CNTN4: variants seen among roughly 807,000 people sequenced by gnomAD.
CNTN4 encodes the protein contactin 4.
In CNTN4, 77 loss-of-function variants were observed where a neutral mutation model predicts 122.5. The ratio of observed to expected loss-of-function variants is 0.63; its 90% confidence interval spans 0.52 to 0.76. The LOEUF (loss-of-function observed/expected upper bound fraction) is 0.76, where lower values mean the gene tolerates loss of function less well. Ranked by LOEUF, CNTN4 falls within the 30% of genes least tolerant of loss-of-function variation. The pLI is 0.00. For synonymous variants in CNTN4, 512 were observed against 447.0 expected, an observed-to-expected ratio of 1.15 and a Z score of -1.83; for missense variants, 1,256 against 1,259.1, an observed-to-expected ratio of 1.00 and a Z score of 0.04.
chr3:2,715,498 G>T (rs1021440600), intron 4 of CNTN4, among the ~76,000 whole-genome samples: 1 of 152,062 alleles, frequency 6.6e-6, no homozygotes, highest in Admixed American at 6.5e-5. Flanking sequence ...AATATCAGGG[G>T]GATTTATCTT....
intron 15 of CNTN4, among the ~76,000 whole-genome samples, chr3:3,027,086 A>C (rs1698788011): frequency 6.6e-6 from 1 of 151,990 alleles, no homozygotes; most frequent in Non-Finnish European, 1.5e-5. Context: ...AAATCTGTCC[A>C]CCCCCTTTAC....
chr3:2,457,816 G>A (rs1366895632), intron 3 of CNTN4, among the ~76,000 whole-genome samples: 1 of 152,080 alleles, frequency 6.6e-6, no homozygotes, highest in African/African-American at 2.4e-5. Context: ...CTCAAGGTAC[G>A]TTTACATCCC....
intron 3 of CNTN4, among the ~76,000 whole-genome samples, chr3:2,542,304 A>G (rs1359946650): frequency 1.3e-5 from 2 of 152,126 alleles, no homozygotes; most frequent in South Asian, 2.1e-4. Flanking sequence ...GAAAATCTCT[A>G]ATAGTCAGAT....
chr3:2,340,566 A>G (rs1340761805), intron 3 of CNTN4, among the ~76,000 whole-genome samples: 2 of 151,052 alleles, frequency 1.3e-5, no homozygotes, highest in Non-Finnish European at 2.9e-5. Flanking sequence ...CTGTAGTCCC[A>G]CTACTGGGAA....
chr3:2,542,294 G>A (rs1192565544), intron 3 of CNTN4, among the ~76,000 whole-genome samples: 4 of 152,108 alleles, frequency 2.6e-5, no homozygotes. Flanking sequence ...ATTACATTTT[G>A]AAAATCTCTA....
At chr3:2,446,588 C>T (rs1224711594) in intron 3 of CNTN4, among the ~76,000 whole-genome samples, 1 of 152,194 alleles carries the variant, frequency 6.6e-6, no homozygotes, top group Middle Eastern at 3.2e-3. Flanking sequence ...TTTATACCTT[C>T]ACCCTCACTC....
At chr3:2,363,129 C>G (rs1163029072) in intron 3 of CNTN4, among the ~76,000 whole-genome samples, 3 of 152,134 alleles carry the variant, frequency 2.0e-5, no homozygotes, top group African/African-American at 7.2e-5. Flanking sequence ...GGTAAAATGT[C>G]AAAGTATCTT....
chr3:2,989,725 G>T (rs1022869670), intron 14 of CNTN4, among the ~76,000 whole-genome samples: 14 of 152,262 alleles, frequency 9.2e-5, no homozygotes, highest in Admixed American at 2.6e-4. Context: ...CTGACTGCTT[G>T]TTCACTCTGT....
At position 2,866,806 on chromosome 3, in the gene CNTN4, G is replaced by A. The variant is rs750302381; in HGVS notation, c.509G>A (p.Arg170His). The stretch of plus-strand genomic sequence containing the variant: ...TACCCTTCCTATCAGGATAATCGCC[G>A]CTTTGTTTCTCAAGAGACTGGGAAT... ...NEYPSYQDNR[R>H]FVSQETGNLY... Residue 170 changes from arginine to histidine, a missense_variant, in exon 8 of 25, where the codon CGC becomes CAC. Physicochemically the swap from Arg to His is conservative, Grantham distance 29. Transcript: ENST00000418658. 7.4e-6 allele frequency: 12 copies of A among 1,613,838 alleles called. No homozygotes were observed. Among genetic ancestry groups the A allele is most frequent in the South Asian group, 4.4e-5 (4 of 91,068 alleles).
At chr3:2,315,704 G>A (rs190316763) in intron 2 of CNTN4, among the ~76,000 whole-genome samples, 1 of 151,840 alleles carries the variant, frequency 6.6e-6, no homozygotes. Flanking sequence ...GAATCAGAAG[G>A]CTTTGAATCA....
chr3:2,225,185 G>C (rs1389878617), intron 2 of CNTN4, among the ~76,000 whole-genome samples: 1 of 150,398 alleles, frequency 6.6e-6, no homozygotes. Flanking sequence ...AATAAGGTTT[G>C]AATTTAGCTT....
At chr3:2,901,699 G>C (rs116236419) in intron 11 of CNTN4, among the ~76,000 whole-genome samples, 41 of 152,300 alleles carry the variant, frequency 2.7e-4, no homozygotes, top group African/African-American at 9.6e-4. Context: ...AGTATTGCCA[G>C]GAAATAAGGC....
chr3:2,930,294 T>G (rs1247955275), intron 13 of CNTN4, among the ~76,000 whole-genome samples: 2 of 152,174 alleles, frequency 1.3e-5, no homozygotes, highest in Non-Finnish European at 1.5e-5. Context: ...CAGAAAAGGA[T>G]GATGATTATT....
chr3:2,527,424 C>CTGCTGA (rs2077437107), intron 3 of CNTN4, among the ~76,000 whole-genome samples: 1 of 152,238 alleles, frequency 6.6e-6, no homozygotes, highest in African/African-American at 2.4e-5. Flanking sequence ...GCTGCTGCTG[C>CTGCTGA]TGCTGCTGCT....
At chr3:2,696,583 T>A (rs1477550830) in intron 4 of CNTN4, among the ~76,000 whole-genome samples, 1 of 152,190 alleles carries the variant, frequency 6.6e-6, no homozygotes, top group Admixed American at 6.5e-5. Flanking sequence ...ATCTTGGATT[T>A]TCCAGCCTCC....
At chr3:2,249,656 G>C (rs987338520) in intron 2 of CNTN4, among the ~76,000 whole-genome samples, 2 of 151,788 alleles carry the variant, frequency 1.3e-5, no homozygotes, top group African/African-American at 4.8e-5. Flanking sequence ...GGATAAAATG[G>C]GTCTTGGTAA....
rs138136384 is a variant in CNTN4, at chr3:2,616,760, C to T, written c.55+45202C>T. On this transcript the variant is annotated intron_variant, in intron 4 of 24. Transcript: ENST00000418658. ...GAACTATACTACAAAGCTACAGTAACGAAAACAGCATGGTACTGGTAGCAA... is the reference window on the plus strand; with the variant it reads ...GAACTATACTACAAAGCTACAGTAATGAAAACAGCATGGTACTGGTAGCAA... Among the ~76,000 whole-genome samples the T allele has an allele frequency of 2.9e-3, 440 of 152,216 alleles. 1 individual carries two copies. The highest frequency in any genetic ancestry group is 0.01 in the Middle Eastern group (3 of 294).
chr3:2,523,843 C>T (rs1379987382), intron 3 of CNTN4, among the ~76,000 whole-genome samples: 1 of 151,978 alleles, frequency 6.6e-6, no homozygotes. Context: ...CAAAATAACC[C>T]TTGTTTTGTA....
intron 3 of CNTN4, among the ~76,000 whole-genome samples, chr3:2,341,363 C>T (rs1377846599): frequency 3.3e-5 from 5 of 152,192 alleles, no homozygotes; most frequent in African/African-American, 4.8e-5. Context: ...CCACTGTGAA[C>T]TTCTGAAGCC....
Sources: allele counts gnomAD v4.1 joint callset (sites outside exome capture counted in the v4.1 genomes callset), GRCh38; gene constraint gnomAD v4.1.1; transcripts MANE v1.5; gene names NCBI Gene and HGNC (gene_info 2026-07-23, HGNC 2026-07-21).